The following CNTNAP4 variants were observed in gnomAD, a reference collection of about 807,000 sequenced individuals.
The protein encoded by CNTNAP4 is contactin associated protein family member 4.
CNTNAP4 carries 98 observed loss-of-function variants against 148.4 expected under a neutral mutation model. The observed-to-expected ratio is 0.66, with a 90% CI of 0.56 to 0.78. The LOEUF (loss-of-function observed/expected upper bound fraction) is 0.78, where lower values mean the gene tolerates loss of function less well. Among genes scored for constraint, CNTNAP4 ranks in the 30% least tolerant of loss-of-function variants. The probability of loss-of-function intolerance (pLI) is 0.00; values close to 1 mark genes in which losing one functional copy is unlikely to be tolerated. For missense variants in CNTNAP4, 1,935 were observed against 1,565.6 expected, an observed-to-expected ratio of 1.24 and a Z score of -3.98; for synonymous variants, 730 against 565.1, an observed-to-expected ratio of 1.29 and a Z score of -4.14.
intron 13 of CNTNAP4, among the ~76,000 whole-genome samples, chr16:76,494,276 T>G (rs999752280): frequency 2.0e-4 from 30 of 152,144 alleles, no homozygotes; most frequent in African/African-American, 7.2e-4. Flanking sequence ...CCATTGAGTG[T>G]AATATTCGCT....
chr16:76,383,993 AGTTTTTTGTTTT>A (rs1427968617), intron 3 of CNTNAP4, among the ~76,000 whole-genome samples: 1 of 151,640 alleles, frequency 6.6e-6, no homozygotes, highest in African/African-American at 2.4e-5. Flanking sequence ...TAAAGTTCTC[AGTTTTTTGTTTT>A]GTTTTTTGTT....
chr16:76,438,679 C>T (rs1012226094), intron 4 of CNTNAP4, among the ~76,000 whole-genome samples: 1 of 152,056 alleles, frequency 6.6e-6, no homozygotes, highest in Non-Finnish European at 1.5e-5. Flanking sequence ...ATCCAGCTCG[C>T]CACTGTCTCT....
intron 2 of CNTNAP4, among the ~76,000 whole-genome samples, chr16:76,335,459 G>C (rs970671081): frequency 2.0e-5 from 3 of 152,112 alleles, no homozygotes; most frequent in East Asian, 1.9e-4. Flanking sequence ...AAGATGAGCA[G>C]GCAGAAGGCA....
intron 2 of CNTNAP4, among the ~76,000 whole-genome samples, chr16:76,330,921 G>A (rs1963447270): frequency 6.6e-6 from 1 of 152,168 alleles, no homozygotes; most frequent in African/African-American, 2.4e-5. Context: ...ATTTTTAAAA[G>A]CATCTAAATA....
intron 2 of CNTNAP4, among the ~76,000 whole-genome samples, chr16:76,330,715 C>G (rs16944228): frequency 0.17 from 25,650 of 152,192 alleles, 2,822 homozygotes; most frequent in East Asian, 0.33. Flanking sequence ...TAGATTTGCT[C>G]TTTTGCTCTT....
chr16:76,550,738 A>C (rs895699579), intron 21 of CNTNAP4, among the ~76,000 whole-genome samples: 1 of 152,042 alleles, frequency 6.6e-6, no homozygotes, highest in Non-Finnish European at 1.5e-5. Context: ...TTAAATCTAC[A>C]TATATTCAAA....
chr16:76,374,639 C>A (rs573273965), intron 3 of CNTNAP4, among the ~76,000 whole-genome samples: 1 of 151,620 alleles, frequency 6.6e-6, no homozygotes, highest in Non-Finnish European at 1.5e-5. Flanking sequence ...ATTGAATTTC[C>A]GTGTACATTA....
At chr16:76,407,548 C>T (rs1419252155) in intron 3 of CNTNAP4, among the ~76,000 whole-genome samples, 1 of 151,938 alleles carries the variant, frequency 6.6e-6, no homozygotes, top group Non-Finnish European at 1.5e-5. Context: ...TTCAAGACTT[C>T]AGTGGAGGAA....
intron 2 of CNTNAP4, among the ~76,000 whole-genome samples, chr16:76,319,219 G>T (rs1478980896): frequency 6.6e-6 from 1 of 152,044 alleles, no homozygotes; most frequent in Non-Finnish European, 1.5e-5. Flanking sequence ...GCAAAACTCT[G>T]TCTCTACTAC....
At chr16:76,348,239 T>C (rs1965076180) in intron 2 of CNTNAP4, among the ~76,000 whole-genome samples, 1 of 151,622 alleles carries the variant, frequency 6.6e-6, no homozygotes, top group African/African-American at 2.4e-5. Flanking sequence ...TACCATTATA[T>C]GGGGCTGGGA....
Position 76,277,668 on chromosome 16 carries a change from A to G in CNTNAP4, c.6A>G (p.Gly2=). Residue 2 remains glycine, a synonymous_variant, in exon 1 of 24, where the codon GGA becomes GGG. Coordinates refer to ENST00000611870, the MANE Select transcript of CNTNAP4 (RefSeq NM_033401.5). ...GGAGCCCAATAAATGTGAACATGGG[A>G]TCTGTCACGGGAGCTGTCCTCAAGA... The part of the protein sequence containing the change: M[G]SVTGAVLKTL... 3 of 1,601,800 alleles carry G rather than the reference A, an allele frequency of 1.9e-6. No homozygotes were observed. The highest frequency in any genetic ancestry group is 1.7e-6 in the Non-Finnish European group (2 of 1,173,426).
intron 12 of CNTNAP4, among the ~76,000 whole-genome samples, chr16:76,484,782 G>A (rs1597697789): frequency 6.6e-6 from 1 of 152,114 alleles, no homozygotes; most frequent in South Asian, 2.1e-4. Context: ...TTCATTGCTT[G>A]CAGCCAATAG....
chr16:76,457,955 C>T (rs1023904609), intron 8 of CNTNAP4, among the ~76,000 whole-genome samples: 1 of 152,092 alleles, frequency 6.6e-6, no homozygotes, highest in African/African-American at 2.4e-5. Context: ...CATGCCCTCT[C>T]CCCTTTTGAA....
Position 76,355,528 on chromosome 16 carries a change from A to C in CNTNAP4, c.390+17A>C. The C allele has an allele frequency of 6.4e-7, 1 of 1,569,622 alleles. No homozygotes were observed. The highest frequency in any genetic ancestry group is 8.6e-7 in the Non-Finnish European group (1 of 1,157,392). ...AGCATCTGGGTATGTTCTTTAACAA[A>C]AGACATAGTCTCTCGGGGAAAAAGT... On this transcript the variant is annotated intron_variant, in intron 3 of 23. Transcript: ENST00000611870.
intron 3 of CNTNAP4, among the ~76,000 whole-genome samples, chr16:76,386,556 C>G (rs572199013): frequency 2.0e-5 from 3 of 152,150 alleles, no homozygotes; most frequent in Non-Finnish European, 2.9e-5. Context: ...CAGCTGATTA[C>G]TGTCTTATTT....
At chr16:76,284,543 G>A (rs912492890) in intron 1 of CNTNAP4, among the ~76,000 whole-genome samples, 1 of 151,888 alleles carries the variant, frequency 6.6e-6, no homozygotes, top group African/African-American at 2.4e-5. Flanking sequence ...AGGATTCAGG[G>A]TTTTAAAAAC....
chr16:76,552,277 CGTG>C (rs1555604631), intron 21 of CNTNAP4, among the ~76,000 whole-genome samples: 8 of 152,094 alleles, frequency 5.3e-5, no homozygotes, highest in Non-Finnish European at 1.2e-4. Flanking sequence ...TCCCTTGACA[CGTG>C]GGGATTATGG....
chr16:76,395,091 C>T (rs1040547774), intron 3 of CNTNAP4, among the ~76,000 whole-genome samples: 8 of 152,186 alleles, frequency 5.3e-5, no homozygotes, highest in Non-Finnish European at 1.0e-4. Context: ...CAAAACGTGA[C>T]TCTCCCAATG....
intron 1 of CNTNAP4, among the ~76,000 whole-genome samples, chr16:76,287,280 C>G (rs779410641): frequency 6.6e-6 from 1 of 152,072 alleles, no homozygotes; most frequent in African/African-American, 2.4e-5. Flanking sequence ...CAAATACATA[C>G]TAGGGGAATG....
Sources: allele counts gnomAD v4.1 joint callset (sites outside exome capture counted in the v4.1 genomes callset), GRCh38; gene constraint gnomAD v4.1.1; transcripts MANE v1.5; gene names NCBI Gene and HGNC (gene_info 2026-07-23, HGNC 2026-07-21).